The following TFB2M variants were observed in gnomAD, a reference collection of about 807,000 sequenced individuals.
TFB2M encodes transcription factor B2, mitochondrial.
TFB2M carries 44 observed loss-of-function variants against 41.3 expected under a neutral mutation model. The observed-to-expected ratio is 1.07, with a 90% CI of 0.84 to 1.37. The LOEUF (loss-of-function observed/expected upper bound fraction) is 1.37, where lower values mean the gene tolerates loss of function less well. Ranked by LOEUF, TFB2M falls within the 40% of genes most tolerant of loss-of-function variation. The pLI is 0.00. For synonymous variants in TFB2M, 188 were observed against 176.8 expected (o/e 1.06, Z -0.50); for missense variants, 496 against 490.2 (o/e 1.01, Z -0.11).
chr1:246,565,045 T>C (rs896389550), intron 1 of TFB2M, among the ~76,000 whole-genome samples: 2 of 152,220 alleles, frequency 1.3e-5, no homozygotes, highest in Non-Finnish European at 2.9e-5. Context: ...GCAAAATAGA[T>C]TGCCTCTAGC....
chr1:246,541,148 C>T lies in TFB2M; in HGVS notation c.1074G>A (p.Glu358=). 2 of 1,614,026 alleles carry T rather than the reference C, an allele frequency of 1.2e-6. No homozygotes were observed. The highest frequency in any genetic ancestry group is 1.7e-6 in the Non-Finnish European group (2 of 1,179,974). The change falls in exon 8 of 8, where the codon GAG becomes GAA. Residue 358 remains glutamate, a synonymous_variant. Coordinates refer to ENST00000366514, the MANE Select transcript of TFB2M (RefSeq NM_022366.3). ...RDILMQIGKQ[E]DEKVVNMHPQ... The stretch of plus-strand genomic sequence containing the variant: ...GGTGCATGTTAACTACTTTCTCATC[C>T]TCCTGTTTTCCTATTTGCATCAATA...
At chr1:246,557,883 A>G (rs377231769) in intron 2 of TFB2M, among the ~76,000 whole-genome samples, 15 of 152,216 alleles carry the variant, frequency 9.9e-5, no homozygotes, top group East Asian at 3.9e-4. Flanking sequence ...GTTGGCCAGG[A>G]GAGCCTCAAT....
At chr1:246,542,308 A>G (rs1343861019) in intron 7 of TFB2M, among the ~76,000 whole-genome samples, 1 of 151,526 alleles carries the variant, frequency 6.6e-6, no homozygotes, top group Admixed American at 6.6e-5. Flanking sequence ...ATATACCATA[A>G]TATGAGGTAC....
intron 6 of TFB2M, among the ~76,000 whole-genome samples, chr1:246,547,775 A>G (rs35558093): frequency 0.23 from 35,201 of 151,784 alleles, 4,475 homozygotes; most frequent in Middle Eastern, 0.41. Flanking sequence ...ACTTTATTAG[A>G]ATTTCACAAC....
In TFB2M at chr1:246,566,231, G is replaced by T. The variant is rs1349548195; in HGVS notation, c.-93C>A. The T allele has an allele frequency of 1.7e-5, 22 of 1,326,082 alleles. No individual in the cohort carries two copies. The East Asian group carries it at 4.6e-4, about 28-fold the overall frequency. The allele number at this position is 1,326,082 out of a possible 1,614,324, so 82.1% of individuals were successfully genotyped here. On this transcript the variant is annotated 5_prime_UTR_variant, in exon 1 of 8. Transcript: ENST00000366514. ...TATCCCACGTGGAACATTTTCTGGC[G>T]TCCGGGCCAGGTCAAGCGGAAGTAA...
chr1:246,541,232 T>G lies in TFB2M; in HGVS notation c.1020-30A>C, dbSNP rs529062391. Reference sequence around the variant, plus strand: ...AAAAGAAATACAAAGTAAATGTACTTAATTCTTTCTCATGCATCTATCAGT... The same window carrying G: ...AAAAGAAATACAAAGTAAATGTACTGAATTCTTTCTCATGCATCTATCAGT... On this transcript the variant is annotated intron_variant, in intron 7 of 7. Transcript: ENST00000366514. 9.4e-4 allele frequency: 1,510 copies of G among 1,599,132 alleles called. 24 individuals are homozygous for G. In the South Asian group the frequency reaches 0.016, roughly 17 times the overall value.
At position 246,540,986 on chromosome 1, in the gene TFB2M, T is replaced by A; in HGVS notation, c.*45A>T. The A allele has an allele frequency of 1.3e-6, 2 of 1,561,466 alleles. No individual in the cohort carries two copies. The highest frequency in any genetic ancestry group is 1.7e-6 in the Non-Finnish European group (2 of 1,155,456). Reference sequence around the variant, plus strand: ...TTCAAATTTGGTTTTCATGTCATAGTTTCCAAATAAATGAACCGCTCCACC... The same window carrying A: ...TTCAAATTTGGTTTTCATGTCATAGATTCCAAATAAATGAACCGCTCCACC... On this transcript the variant is annotated 3_prime_UTR_variant, in exon 8 of 8. Coordinates refer to ENST00000366514, the MANE Select transcript of TFB2M (RefSeq NM_022366.3).
rs1659287449 is a variant in TFB2M at position 246,555,146 on chromosome 1, C to A, written c.705+1427G>T. On this transcript the variant is annotated intron_variant, in intron 4 of 7. Transcript: ENST00000366514. ...AAATCAAAAGCACAATGAAATACCA[C>A]TTCATACCATTAGGAGAGGTATTAC... 2.0e-5 allele frequency among the ~76,000 whole-genome samples: 3 copies of A among 152,166 alleles called. No individual in the cohort carries two copies. The South Asian group carries it at 6.2e-4, about 32-fold the overall frequency.
intron 7 of TFB2M, among the ~76,000 whole-genome samples, chr1:246,543,973 C>G (rs1462512448): frequency 6.6e-6 from 1 of 152,120 alleles, no homozygotes; most frequent in African/African-American, 2.4e-5. Context: ...CTGGACAACA[C>G]AGCGAGACCC....
intron 7 of TFB2M, among the ~76,000 whole-genome samples, chr1:246,543,325 A>G (rs2102982390): frequency 6.6e-6 from 1 of 152,304 alleles, no homozygotes; most frequent in East Asian, 1.9e-4. Flanking sequence ...TACAAGGCAT[A>G]ATGCACAACT....
At chr1:246,562,873 T>C (rs1180555140) in intron 2 of TFB2M, among the ~76,000 whole-genome samples, 3 of 152,060 alleles carry the variant, frequency 2.0e-5, no homozygotes, top group African/African-American at 7.2e-5. Flanking sequence ...TTGGTCAGGA[T>C]GGTCTCAATC....
intron 5 of TFB2M, among the ~76,000 whole-genome samples, chr1:246,550,441 A>G (rs1251598179): frequency 6.6e-6 from 1 of 152,190 alleles, no homozygotes; most frequent in East Asian, 1.9e-4. Context: ...GGGAAAAAAA[A>G]AGAATTGGAA....
intron 1 of TFB2M, among the ~76,000 whole-genome samples, chr1:246,565,243 A>AT (rs932992237): frequency 9.2e-5 from 14 of 152,346 alleles, no homozygotes; most frequent in African/African-American, 3.4e-4. Context: ...AGATAACATC[A>AT]TTTTTTCAGC....
At chr1:246,556,763 G>A (rs2102988939) in intron 3 of TFB2M, 42 bp from the exon 4 acceptor site, 2 of 1,500,512 alleles carry the variant, frequency 1.3e-6, no homozygotes, top group East Asian at 5.0e-5. Flanking sequence ...AAAGTTCTTA[G>A]CATTTTGTCC....
intron 6 of TFB2M, among the ~76,000 whole-genome samples, chr1:246,544,960 C>T (rs1347162843): frequency 4.6e-5 from 7 of 152,074 alleles, no homozygotes; most frequent in East Asian, 1.9e-4. Context: ...CGCCCACCAC[C>T]ACGCCTGGCT....
intron 2 of TFB2M, 24 bp downstream of exon 2, chr1:246,564,322 T>C: frequency 6.2e-7 from 1 of 1,603,052 alleles, no homozygotes; most frequent in South Asian, 1.1e-5. Context: ...AACAATAACA[T>C]ACGTTGAGAA....
intron 2 of TFB2M, among the ~76,000 whole-genome samples, chr1:246,562,901 G>T (rs945656273): frequency 1.3e-5 from 2 of 151,826 alleles, no homozygotes; most frequent in African/African-American, 4.8e-5. Context: ...CTAGTGATCC[G>T]CCCGCCTCTG....
intron 5 of TFB2M, among the ~76,000 whole-genome samples, chr1:246,550,976 G>A (rs1450091067): frequency 6.6e-6 from 1 of 152,160 alleles, no homozygotes; most frequent in Non-Finnish European, 1.5e-5. Flanking sequence ...GATCACTTGA[G>A]GCCAGGAGTT....
In TFB2M at chr1:246,544,662, T is replaced by G. The variant is rs966820999; in HGVS notation, c.878A>C (p.Gln293Pro). The G allele has an allele frequency of 6.3e-7, 1 of 1,597,208 alleles. No individual in the cohort carries two copies. The highest frequency in any genetic ancestry group is 8.5e-7 in the Non-Finnish European group (1 of 1,176,126). Residue 293 changes from glutamine (Q) to proline (P), a missense_variant, in exon 7 of 8, where the codon CAA becomes CCA. Transcript: ENST00000366514. ...CATTTGAATAAGATACAGCTTTTGT[T>G]GTAATTGGTCTAATAATTCCTGGAG... Reference protein sequence around the residue: ...PKRRELLDQLQQKLYLIQMIP... With the variant: ...PKRRELLDQLPQKLYLIQMIP...
Sources: allele counts gnomAD v4.1 joint callset (sites outside exome capture counted in the v4.1 genomes callset), GRCh38; gene constraint gnomAD v4.1.1; transcripts MANE v1.5; gene names NCBI Gene and HGNC (gene_info 2026-07-23, HGNC 2026-07-21).